The following SLC25A48 variants were observed in gnomAD, a reference collection of about 807,000 sequenced individuals.
SLC25A48 encodes CTC-321K16.1.
Under a neutral mutation model 32.2 loss-of-function variants are expected in SLC25A48, and 29 were observed. The ratio of observed to expected loss-of-function variants is 0.90; its 90% confidence interval spans 0.67 to 1.23. SLC25A48 has a LOEUF of 1.23. SLC25A48 is among the 50% of genes most tolerant of loss of function. The probability of loss-of-function intolerance (pLI) is 0.00; values close to 1 mark genes in which losing one functional copy is unlikely to be tolerated. For synonymous variants in SLC25A48, 164 were observed against 172.3 expected, an observed-to-expected ratio of 0.95 and a Z score of 0.38; for missense variants, 399 against 422.7, an observed-to-expected ratio of 0.94 and a Z score of 0.49.
chr5:135,822,635 C>T lies in SLC25A48; in HGVS notation c.-117+9709C>T, dbSNP rs543490131. 7.9e-5 allele frequency among the ~76,000 whole-genome samples: 12 copies of T among 152,328 alleles called. No individual in the cohort carries two copies. In the East Asian group the frequency reaches 2.1e-3, roughly 27 times the overall value. On this transcript the variant is annotated intron_variant, in intron 4 of 10. Coordinates refer to the SLC25A48 transcript ENST00000646290. ...AGGGCCCACCCTGACCCGGTGTGAC[C>T]TCATCTTAACTTGATTGCATCTGCA...
chr5:135,596,018 C>T (rs770392449), intron 1 of SLC25A48, among the ~76,000 whole-genome samples: 2 of 152,190 alleles, frequency 1.3e-5, no homozygotes, highest in Non-Finnish European at 2.9e-5. Context: ...ACCTGTCACT[C>T]GGCCAACCCC....
At chr5:135,666,657 C>CAG (rs70976575) in intron 3 of SLC25A48, among the ~76,000 whole-genome samples, 5,628 of 149,942 alleles carry the variant, frequency 0.038, 116 homozygotes, top group East Asian at 0.14. Context: ...TTCAGGGCAT[C>CAG]AGAGAGAGAG....
chr5:135,769,157 AC>A (rs977083206), intron 3 of SLC25A48, among the ~76,000 whole-genome samples: 8 of 145,730 alleles, frequency 5.5e-5, no homozygotes, highest in African/African-American at 2.0e-4. Context: ...AGGGGTGTAC[AC>A]CCCCCTGTGA....
chr5:135,846,498 G>T (rs1759432831), intron 2 of SLC25A48, among the ~76,000 whole-genome samples: 2 of 152,228 alleles, frequency 1.3e-5, no homozygotes, highest in Admixed American at 1.3e-4. Flanking sequence ...GTCAGGGGCA[G>T]GCCAGGCAGT....
rs149555642 is a variant in SLC25A48 at position 135,846,296 on chromosome 5, A to G, written c.90+3837A>G. ...AAAATGTTGGGGATCACTCTTGTAG[A>G]CCACTGGGACTGGACTGCAATGGAC... On this transcript the variant is annotated intron_variant, in intron 2 of 7. Coordinates refer to ENST00000681962, the MANE Select transcript of SLC25A48 (RefSeq NM_001349336.2). 3.7e-4 allele frequency among the ~76,000 whole-genome samples: 57 copies of G among 152,268 alleles called. No individual in the cohort carries two copies. In the East Asian group the frequency reaches 0.01, roughly 28 times the overall value.
intron 1 of SLC25A48, among the ~76,000 whole-genome samples, chr5:135,840,651 G>A (rs1392457694): frequency 6.6e-6 from 1 of 152,126 alleles, no homozygotes; most frequent in Non-Finnish European, 1.5e-5. Context: ...ATTCATATAG[G>A]TAGAGTCACA....
At chr5:135,734,623 C>T (rs889214604) in intron 3 of SLC25A48, among the ~76,000 whole-genome samples, 4 of 151,502 alleles carry the variant, frequency 2.6e-5, no homozygotes, top group African/African-American at 7.3e-5. Flanking sequence ...GTCAGGAGAT[C>T]GAGACCACAG....
intron 3 of SLC25A48, among the ~76,000 whole-genome samples, chr5:135,728,865 CACACACACACACACACACAT>C (rs1755156897): frequency 7.6e-5 from 6 of 78,708 alleles, no homozygotes; most frequent in East Asian, 6.3e-4. Context: ...CACACACACA[CACACACACACACACACACAT>C]ACACACACAC....
At chr5:135,813,496 C>T (rs557661896) in intron 4 of SLC25A48, among the ~76,000 whole-genome samples, 1 of 152,136 alleles carries the variant, frequency 6.6e-6, no homozygotes, top group Admixed American at 6.5e-5. Flanking sequence ...ATGTCAGGGC[C>T]ATAGATGGGG....
intron 1 of SLC25A48, among the ~76,000 whole-genome samples, chr5:135,587,123 C>T (rs1751386675): frequency 1.3e-5 from 2 of 152,044 alleles, no homozygotes; most frequent in African/African-American, 4.8e-5. Flanking sequence ...CTCTGCCTCC[C>T]AGGCGCAAGT....
At chr5:135,767,192 C>CCCG (rs1554073150) in intron 3 of SLC25A48, among the ~76,000 whole-genome samples, 3 of 136,612 alleles carry the variant, frequency 2.2e-5, no homozygotes, top group Non-Finnish European at 4.8e-5. Flanking sequence ...GGTACACCCC[C>CCCG]CCCCCGTGAT....
chr5:135,796,006 G>A (rs1464448319), intron 3 of SLC25A48, among the ~76,000 whole-genome samples: 1 of 103,182 alleles, frequency 9.7e-6, no homozygotes, highest in Non-Finnish European at 2.4e-5. Context: ...TCCCAGTATC[G>A]CGAGGGGGGG....
At chr5:135,868,677 TACACAC>T (rs34148471) in intron 4 of SLC25A48, among the ~76,000 whole-genome samples, 6 of 149,140 alleles carry the variant, frequency 4.0e-5, no homozygotes, top group African/African-American at 1.5e-4. Context: ...CACACACACA[TACACAC>T]ACACACACAC....
chr5:135,713,776 A>G (rs55688705), intron 3 of SLC25A48, among the ~76,000 whole-genome samples: 9,042 of 152,178 alleles, frequency 0.059, 419 homozygotes, highest in African/African-American at 0.13. Context: ...TGACACTCCT[A>G]CTCTGGTGGG....
intron 3 of SLC25A48, among the ~76,000 whole-genome samples, chr5:135,797,480 T>C (rs1227152447): frequency 1.3e-5 from 2 of 151,888 alleles, no homozygotes; most frequent in Non-Finnish European, 2.9e-5. Context: ...TATTTCAGTA[T>C]CACAGGAAGT....
At chr5:135,753,006 A>G (rs1230121895) in intron 3 of SLC25A48, among the ~76,000 whole-genome samples, 2 of 152,096 alleles carry the variant, frequency 1.3e-5, no homozygotes, top group Non-Finnish European at 2.9e-5. Flanking sequence ...CACCCCTATG[A>G]TATTACCAGT....
chr5:135,738,200 G>T (rs555272163), intron 3 of SLC25A48, among the ~76,000 whole-genome samples: 1 of 152,118 alleles, frequency 6.6e-6, no homozygotes, highest in Non-Finnish European at 1.5e-5. Context: ...GTAAGGATGC[G>T]AAAAGCAGAT....
chr5:135,831,183 A>G (rs1452469384), upstream of SLC25A48, among the ~76,000 whole-genome samples: 2 of 152,168 alleles, frequency 1.3e-5, no homozygotes, highest in Admixed American at 6.5e-5. Flanking sequence ...GTGATGCTCC[A>G]GGAAAGGCCA....
intron 3 of SLC25A48, among the ~76,000 whole-genome samples, chr5:135,733,421 G>A (rs1755280088): frequency 6.6e-6 from 1 of 152,194 alleles, no homozygotes; most frequent in African/African-American, 2.4e-5. Context: ...GTCCGGGCCT[G>A]GAACAATGGT....
Sources: allele counts gnomAD v4.1 joint callset (sites outside exome capture counted in the v4.1 genomes callset), GRCh38; gene constraint gnomAD v4.1.1; transcripts MANE v1.5; gene names NCBI Gene and HGNC (gene_info 2026-07-23, HGNC 2026-07-21).